DNAH9: variants seen among roughly 807,000 people sequenced by gnomAD.
DNAH9 encodes the protein dynein axonemal heavy chain 9, also known as DNAH9 variant protein.
Under a neutral mutation model 471.6 loss-of-function variants are expected in DNAH9, and 345 were observed. The ratio of observed to expected loss-of-function variants is 0.73; its 90% CI spans 0.67 to 0.80. The LOEUF (loss-of-function observed/expected upper bound fraction) is 0.80. Among genes scored for constraint, DNAH9 ranks in the 30% least tolerant of loss-of-function variants. The pLI is 0.00. For missense variants in DNAH9, 5,407 were observed against 5,609.2 expected (o/e 0.96, Z 1.15); for synonymous variants, 2,093 against 2,123.6 (o/e 0.99, Z 0.40).
chr17:11,951,875 A>T (rs959950707), intron 67 of DNAH9, among the ~76,000 whole-genome samples: 2 of 151,108 alleles, frequency 1.3e-5, no homozygotes, highest in African/African-American at 2.4e-5. Flanking sequence ...GTGAGCTGAG[A>T]TCACACCACT....
At chr17:11,667,299 GT>G (rs2150724768) in intron 15 of DNAH9, among the ~76,000 whole-genome samples, 1 of 150,712 alleles carries the variant, frequency 6.6e-6, no homozygotes, top group East Asian at 1.9e-4. Context: ...TATAAACATA[GT>G]AGTTTTTATA....
In DNAH9 at chr17:11,617,636, G is replaced by A. The variant is rs1159856982; in HGVS notation, c.1116+14G>A. 6.2e-7 allele frequency: 1 copy of A among 1,606,636 alleles called. No individual in the cohort carries two copies. The highest frequency in any genetic ancestry group is 1.1e-5 in the South Asian group (1 of 90,880). On this transcript the variant is annotated intron_variant, in intron 5 of 68. Coordinates refer to ENST00000262442, the MANE Select transcript of DNAH9 (RefSeq NM_001372.4). ...CTCATCCAGCAGGTGGGCTGCCCTG[G>A]GATGCCCAGCAACTGCTCCCTGGGG...
chr17:11,759,486 A>ATGTGATATAC (rs1180378963), intron 35 of DNAH9, among the ~76,000 whole-genome samples: 1 of 139,628 alleles, frequency 7.2e-6, no homozygotes, highest in African/African-American at 2.6e-5. Context: ...GTAGTATTCC[A>ATGTGATATAC]TGTGATATAC....
At chr17:11,903,210 G>T (rs1260432233) in intron 60 of DNAH9, among the ~76,000 whole-genome samples, 1 of 152,152 alleles carries the variant, frequency 6.6e-6, no homozygotes, top group Non-Finnish European at 1.5e-5. Flanking sequence ...ATGGTGACAG[G>T]CACCTGTAAT....
intron 59 of DNAH9, among the ~76,000 whole-genome samples, chr17:11,899,098 C>T (rs1482449839): frequency 6.6e-6 from 1 of 151,918 alleles, no homozygotes; most frequent in Admixed American, 6.6e-5. Context: ...TTGCCAAAGC[C>T]TTTGATGAAT....
chr17:11,761,770 G>A (rs1967678103), intron 35 of DNAH9, among the ~76,000 whole-genome samples: 1 of 152,116 alleles, frequency 6.6e-6, no homozygotes, highest in Non-Finnish European at 1.5e-5. Flanking sequence ...TGGCTATTAG[G>A]GGAAAGCAGC....
In DNAH9 at chr17:11,690,040, G is replaced by A. The variant is rs140079277; in HGVS notation, c.4218G>A (p.Ala1406=). Residue 1406 remains alanine, a synonymous_variant, in exon 20 of 69, where the codon GCG becomes GCA. Transcript: ENST00000262442. The part of the protein sequence containing the change: ...SFTMDQDTTL[A]HLLQLQLHHY... ...CTATGGACCAGGACACCACCCTAGC[G>A]CACCTGCTGCAGCTCCAGCTGCACC... is the stretch of plus-strand genomic sequence containing the variant. 6.1e-4 allele frequency: 979 copies of A among 1,614,154 alleles called. 4 individuals carry two copies. The African/African-American group carries it at 0.01, about 17-fold the overall frequency.
intron 19 of DNAH9, among the ~76,000 whole-genome samples, chr17:11,688,378 G>C (rs1396605223): frequency 6.6e-6 from 1 of 152,154 alleles, no homozygotes; most frequent in Non-Finnish European, 1.5e-5. Flanking sequence ...AAGGGCAAAG[G>C]CAGAACTGGA....
chr17:11,764,585 AT>A (rs1338963959), intron 36 of DNAH9, among the ~76,000 whole-genome samples: 3 of 152,054 alleles, frequency 2.0e-5, no homozygotes, highest in African/African-American at 7.2e-5. Context: ...TGAATTGACT[AT>A]TTTAGCTGTA....
At chr17:11,619,932 T>C (rs2072820445) in intron 6 of DNAH9, 151 bp downstream of exon 6, 1 of 607,820 alleles carries the variant, frequency 1.6e-6, no homozygotes, top group African/African-American at 1.9e-5. Flanking sequence ...AATTGGCCAG[T>C]CACAGTGGCT....
chr17:11,771,389 A>C (rs906964160), intron 38 of DNAH9, among the ~76,000 whole-genome samples: 3 of 152,180 alleles, frequency 2.0e-5, no homozygotes, highest in African/African-American at 7.2e-5. Flanking sequence ...TCGGCCTCCC[A>C]AAGTGCTGGG....
Position 11,669,110 on chromosome 17 carries a change from A to G in DNAH9, c.2778A>G (p.Leu926=), listed in dbSNP as rs1733101173. ...LTPIFEAQLS[L]AIPELVFYPS... is the part of the protein sequence containing the mutation. Reference sequence around the variant, plus strand: ...CAATATTTGAAGCACAACTGAGTCTAGCCATCCCAGAGCTAGTTTTCTATC... The same window carrying G: ...CAATATTTGAAGCACAACTGAGTCTGGCCATCCCAGAGCTAGTTTTCTATC... The change falls in exon 16 of 69, where the codon CTA becomes CTG. Residue 926 remains leucine (L), a synonymous_variant. Transcript: ENST00000262442. 3 of 1,613,832 alleles carry G rather than the reference A, an allele frequency of 1.9e-6. No homozygotes were observed. Among genetic ancestry groups the G allele is most frequent in the South Asian group, 1.1e-5 (1 of 91,064 alleles).
At chr17:11,886,505 A>ATTT (rs1972881294) in intron 56 of DNAH9, among the ~76,000 whole-genome samples, 1 of 134,338 alleles carries the variant, frequency 7.4e-6, no homozygotes, top group African/African-American at 3.0e-5. Flanking sequence ...TTTGAGTCAT[A>ATTT]CTTTTTTTTT....
chr17:11,764,027 G>A (rs896104500), intron 36 of DNAH9, among the ~76,000 whole-genome samples: 4 of 152,238 alleles, frequency 2.6e-5, no homozygotes, highest in East Asian at 1.9e-4. Flanking sequence ...CTAGAACAAG[G>A]ATGTACCACT....
rs144782591 is a variant in DNAH9, at chr17:11,617,062, C to A, written c.905-349C>A. 4.3e-4 allele frequency among the ~76,000 whole-genome samples: 65 copies of A among 152,278 alleles called. No individual in the cohort carries two copies. The East Asian group carries it at 0.012, about 28-fold the overall frequency. ...GTCATACAATTGCCAAGCGTCTCGGCCAGCATTTGAAGGAAAGTCTTTCTG... is the reference window on the plus strand; with the variant it reads ...GTCATACAATTGCCAAGCGTCTCGGACAGCATTTGAAGGAAAGTCTTTCTG... On this transcript the variant is annotated intron_variant, in intron 4 of 68. Transcript: ENST00000262442.
At chr17:11,781,196 G>T in intron 39 of DNAH9, 22 bp downstream of exon 39, 1 of 1,609,842 alleles carries the variant, frequency 6.2e-7, no homozygotes, top group South Asian at 1.1e-5. Flanking sequence ...CATGTAGAGG[G>T]ACTGGCCCAA....
At chr17:11,745,219 A>G in intron 31 of DNAH9, 135 bp downstream of exon 31, 2 of 737,522 alleles carry the variant, frequency 2.7e-6, no homozygotes, top group Non-Finnish European at 4.4e-6. Context: ...AACTCAATTC[A>G]TTTCAACCAC....
At chr17:11,793,719 A>G (rs1457438271) in intron 42 of DNAH9, 55 bp downstream of exon 42, 2 of 1,279,626 alleles carry the variant, frequency 1.6e-6, no homozygotes, top group East Asian at 2.4e-5. Context: ...AGATAATTAT[A>G]CAGATGATCA....
At chr17:11,926,035 G>GGAAAAAAAAAAAA (rs1567555306) in intron 62 of DNAH9, among the ~76,000 whole-genome samples, 1 of 59,896 alleles carries the variant, frequency 1.7e-5, no homozygotes, top group Non-Finnish European at 2.8e-5. Flanking sequence ...GAGATTCTCT[G>GGAAAAAAAAAAAA]AAAAAAAAAA....
Sources: gnomAD v4.1 joint callset for allele counts (sites outside exome capture counted in the v4.1 genomes callset) on GRCh38, gnomAD v4.1.1 for gene constraint, MANE v1.5 for transcripts, NCBI Gene and HGNC (gene_info 2026-07-23, HGNC 2026-07-21) for gene names.